The following FAM240A variants were observed in gnomAD, a reference collection of about 807,000 sequenced individuals.
FAM240A encodes the protein protein FAM240A.
A neutral mutation model predicts 7.3 loss-of-function variants in FAM240A; 8 were observed. The observed-to-expected ratio is 1.09, with a 90% CI of 0.64 to 1.97. The LOEUF (loss-of-function observed/expected upper bound fraction) is 1.97, where lower values mean the gene tolerates loss of function less well. Among genes scored for constraint, FAM240A ranks in the 30% most tolerant of loss-of-function variants. The probability of loss-of-function intolerance (pLI) is 0.00; values close to 1 mark genes in which losing one functional copy is unlikely to be tolerated. For synonymous variants in FAM240A, 32 were observed against 35.9 expected, an observed-to-expected ratio of 0.89 and a Z score of 0.38; for missense variants, 90 against 102.2, an observed-to-expected ratio of 0.88 and a Z score of 0.52.
At chr3:46,613,400 A>G (rs889818385) in intron 1 of FAM240A, among the ~76,000 whole-genome samples, 1 of 152,078 alleles carries the variant, frequency 6.6e-6, no homozygotes, top group Non-Finnish European at 1.5e-5. Flanking sequence ...AGGCTGAAGC[A>G]GGAGAATCAC....
At chr3:46,614,648 A>G (rs1697608041) in intron 1 of FAM240A, among the ~76,000 whole-genome samples, 1 of 152,238 alleles carries the variant, frequency 6.6e-6, no homozygotes, top group African/African-American at 2.4e-5. Context: ...CTGACGTATC[A>G]GAAGTGAAAG....
At chr3:46,612,760 G>C in intron 1 of FAM240A, 62 bp downstream of exon 1, 1 of 1,369,716 alleles carries the variant, frequency 7.3e-7, no homozygotes, top group African/African-American at 1.4e-5. Flanking sequence ...TGGAGGTTAT[G>C]GTTTGTCCAA....
chr3:46,618,951 G>A, intron 2 of FAM240A, among the ~76,000 whole-genome samples: 1 of 147,444 alleles, frequency 6.8e-6, no homozygotes, highest in African/African-American at 2.5e-5. Context: ...TATAATAAAA[G>A]AATGCAAGAA....
chr3:46,613,252 T>A (rs1297484461), intron 1 of FAM240A, among the ~76,000 whole-genome samples: 1 of 152,106 alleles, frequency 6.6e-6, no homozygotes, highest in Non-Finnish European at 1.5e-5. Context: ...CCAGCACTTT[T>A]GAAGACCAAG....
At chr3:46,618,047 G>C (rs1198267691) in intron 2 of FAM240A, among the ~76,000 whole-genome samples, 1 of 152,204 alleles carries the variant, frequency 6.6e-6, no homozygotes, top group Non-Finnish European at 1.5e-5. Flanking sequence ...AAAAGGAACA[G>C]CTCAGCCAGC....
Position 46,616,508 on chromosome 3 carries a change from G to GAGAGTCT in FAM240A, c.16-675_16-674insAGAGTCT, listed in dbSNP as rs1697630015. 2.0e-5 allele frequency among the ~76,000 whole-genome samples: 3 copies of GAGAGTCT among 152,188 alleles called. No individual in the cohort carries two copies. In the South Asian group the frequency reaches 6.2e-4, roughly 32 times the overall value. ...ACCTCTTTCCTTCTGAGTCTCCAAT[G>GAGAGTCT]CCCATTATACCACTCTGTTTGCCTT... is the stretch of plus-strand genomic sequence containing the variant. On this transcript the variant is annotated intron_variant, in intron 1 of 2. Coordinates refer to ENST00000640551, the MANE Select transcript of FAM240A (RefSeq NM_001195442.2).
At chr3:46,621,731 G>A (rs980117739) in intron 2 of FAM240A, among the ~76,000 whole-genome samples, 6 of 151,598 alleles carry the variant, frequency 4.0e-5, no homozygotes, top group African/African-American at 9.7e-5. Context: ...AGCCATGATC[G>A]TGCCACTGCA....
rs543178281 is a variant in FAM240A at position 46,612,687 on chromosome 3, C to T, written c.4C>T (p.Arg2Trp). The stretch of plus-strand genomic sequence containing the variant: ...ATCGATGTCTTCACATCCCTTCATG[C>T]GGTTGTTCTCTGTAAGTGTTAATTA... The part of the protein sequence containing the change: M[R>W]LFSGMNNQYT... Residue 2 changes from arginine (R) to tryptophan (W), a missense_variant, in exon 1 of 3, where the codon CGG becomes TGG. Physicochemically the swap from Arg to Trp is moderately radical, Grantham distance 101. Transcript: ENST00000640551. The T allele has an allele frequency of 2.7e-5, 41 of 1,535,256 alleles. No individual in the cohort carries two copies. The African/African-American group carries it at 4.5e-4, about 17-fold the overall frequency.
At chr3:46,613,901 T>G (rs547608982) in intron 1 of FAM240A, among the ~76,000 whole-genome samples, 1 of 151,958 alleles carries the variant, frequency 6.6e-6, no homozygotes, top group South Asian at 2.1e-4. Context: ...AAGGATGGGG[T>G]ATTAGATATT....
At position 46,625,282 on chromosome 3, in the gene FAM240A, T is replaced by C. The variant is rs1697743846; in HGVS notation, c.*64T>C. On this transcript the variant is annotated 3_prime_UTR_variant, in exon 3 of 3. Coordinates refer to ENST00000640551, the MANE Select transcript of FAM240A (RefSeq NM_001195442.2). ...CTGAGGTCACTTTGCTAGAAGTCAGTGCAAATTCCTGAGTCCCTTTGCTAT... is the reference window on the plus strand; with the variant it reads ...CTGAGGTCACTTTGCTAGAAGTCAGCGCAAATTCCTGAGTCCCTTTGCTAT... 1.6e-6 allele frequency: 2 copies of C among 1,241,178 alleles called. No homozygotes were observed. The highest frequency in any genetic ancestry group is 4.1e-5 in the Admixed American group (2 of 48,900). The allele number at this position is 1,241,178 out of a possible 1,614,324, so 76.9% of individuals were successfully genotyped here.
chr3:46,614,977 A>G (rs1245984861), intron 1 of FAM240A, among the ~76,000 whole-genome samples: 1 of 152,216 alleles, frequency 6.6e-6, no homozygotes, highest in Non-Finnish European at 1.5e-5. Context: ...CTCATCAGTT[A>G]TATTTATTCA....
At chr3:46,624,264 A>ATTT (rs59290700) in intron 2 of FAM240A, among the ~76,000 whole-genome samples, 2,154 of 96,378 alleles carry the variant, frequency 0.022, 195 homozygotes, top group African/African-American at 0.06. Flanking sequence ...ACGGTGGGCT[A>ATTT]TTTTTTTTTT....
intron 2 of FAM240A, among the ~76,000 whole-genome samples, chr3:46,624,458 G>A (rs928059936): frequency 2.6e-5 from 4 of 151,840 alleles, no homozygotes; most frequent in African/African-American, 9.7e-5. Context: ...TTTTAGTAGA[G>A]ACAGGGTTTC....
chr3:46,612,993 G>A (rs901306292), intron 1 of FAM240A, among the ~76,000 whole-genome samples: 4 of 152,232 alleles, frequency 2.6e-5, no homozygotes, highest in Admixed American at 1.3e-4. Flanking sequence ...CGTTACCTGT[G>A]AAGGAATGGG....
At chr3:46,617,702 T>C (rs1490527306) in intron 2 of FAM240A, among the ~76,000 whole-genome samples, 2 of 152,178 alleles carry the variant, frequency 1.3e-5, no homozygotes. Flanking sequence ...TTCTAGCACA[T>C]GAGGTTACAC....
intron 1 of FAM240A, among the ~76,000 whole-genome samples, chr3:46,613,809 T>G (rs1250059116): frequency 6.6e-6 from 1 of 152,210 alleles, no homozygotes; most frequent in Middle Eastern, 3.2e-3. Flanking sequence ...TCACGTGAAG[T>G]GCCAGTGCCT....
intron 2 of FAM240A, among the ~76,000 whole-genome samples, 165 bp from the exon 3 acceptor site, chr3:46,624,963 T>TTTTATATA: frequency 6.8e-6 from 1 of 146,640 alleles, no homozygotes; most frequent in African/African-American, 2.5e-5. Flanking sequence ...TATGAATAAA[T>TTTTATATA]TATATATATA....
chr3:46,621,528 G>A (rs1489364171), intron 2 of FAM240A, among the ~76,000 whole-genome samples: 4 of 152,142 alleles, frequency 2.6e-5, no homozygotes, highest in African/African-American at 9.7e-5. Context: ...AGCACCCTGG[G>A]AAGCCAAGGC....
At chr3:46,617,455 C>G in intron 2 of FAM240A, 127 bp downstream of exon 2, 2 of 715,012 alleles carry the variant, frequency 2.8e-6, no homozygotes, top group Non-Finnish European at 4.2e-6. Flanking sequence ...AGCCCCCACG[C>G]AATTGCCCCA....
Sources: allele counts gnomAD v4.1 joint callset (sites outside exome capture counted in the v4.1 genomes callset), GRCh38; gene constraint gnomAD v4.1.1; transcripts MANE v1.5; gene names NCBI Gene and HGNC (gene_info 2026-07-23, HGNC 2026-07-21).